The following DLG2 variants were observed in gnomAD, a reference collection of about 807,000 sequenced individuals.
DLG2 encodes discs large MAGUK scaffold protein 2.
DLG2 carries 45 observed loss-of-function variants against 132.5 expected under a neutral mutation model. The ratio of observed to expected loss-of-function variants is 0.34; its 90% confidence interval spans 0.27 to 0.44. DLG2 has a LOEUF of 0.44. DLG2 is among the 20% of genes least tolerant of loss of function. The pLI, the probability that DLG2 is intolerant of heterozygous loss-of-function variation, is 1.00. For synonymous variants in DLG2, 424 were observed against 419.6 expected, an observed-to-expected ratio of 1.01 and a Z score of -0.13; for missense variants, 1,045 against 1,196.9, an observed-to-expected ratio of 0.87 and a Z score of 1.87.
At chr11:84,922,663 C>T (rs918016813) in intron 6 of DLG2, among the ~76,000 whole-genome samples, 21 of 152,096 alleles carry the variant, frequency 1.4e-4, no homozygotes, top group African/African-American at 5.1e-4. Flanking sequence ...AGATTTAACC[C>T]CCCGGCTCTT....
intron 6 of DLG2, among the ~76,000 whole-genome samples, chr11:84,542,448 C>G (rs991803370): frequency 9.2e-5 from 14 of 152,124 alleles, no homozygotes; most frequent in African/African-American, 3.1e-4. Flanking sequence ...TTTTATCTGT[C>G]CCTCTGTAAT....
chr11:84,724,679 G>T (rs532343836), intron 6 of DLG2, among the ~76,000 whole-genome samples: 2 of 152,236 alleles, frequency 1.3e-5, no homozygotes, highest in African/African-American at 4.8e-5. Context: ...GCAAATGACA[G>T]GGCGAGATTA....
chr11:84,660,287 T>C (rs2099693134), intron 6 of DLG2, among the ~76,000 whole-genome samples: 1 of 152,244 alleles, frequency 6.6e-6, no homozygotes, highest in African/African-American at 2.4e-5. Flanking sequence ...AGACTTCTGT[T>C]AGGATAATGT....
chr11:84,206,461 T>C lies in DLG2; in HGVS notation c.574-42950A>G, dbSNP rs543140058. Among the ~76,000 whole-genome samples, 5 of 151,978 alleles carry C rather than the reference T, an allele frequency of 3.3e-5. 1 individual carries two copies. In the South Asian group the frequency reaches 1.0e-3, roughly 32 times the overall value. Reference sequence around the variant, plus strand: ...CAATGAGAAAAGCAAAAGATCAATATCCTCCAAGAACAAAGATGCAAAATT... The same window carrying C: ...CAATGAGAAAAGCAAAAGATCAATACCCTCCAAGAACAAAGATGCAAAATT... On this transcript the variant is annotated intron_variant, in intron 8 of 27. Coordinates refer to ENST00000376104, the MANE Select transcript of DLG2 (RefSeq NM_001142699.3).
chr11:84,648,849 T>A lies in DLG2; in HGVS notation c.358-114118A>T, dbSNP rs551308847. 2.6e-5 allele frequency among the ~76,000 whole-genome samples: 4 copies of A among 152,240 alleles called. No homozygotes were observed. The South Asian group carries it at 8.3e-4, about 32-fold the overall frequency. On this transcript the variant is annotated intron_variant, in intron 6 of 27. Coordinates refer to ENST00000376104, the MANE Select transcript of DLG2 (RefSeq NM_001142699.3). The stretch of plus-strand genomic sequence containing the variant: ...TCACCAGAAGCAGATGCTCCTGTCA[T>A]GCTTCTTGTACAGCCTGCAGAACCA...
chr11:85,467,985 A>G (rs1042647297), intron 3 of DLG2, among the ~76,000 whole-genome samples: 1 of 152,122 alleles, frequency 6.6e-6, no homozygotes, highest in Non-Finnish European at 1.5e-5. Context: ...CCTCAATTTC[A>G]CAGCCTGTTA....
At chr11:84,366,242 A>C (rs1395750914) in intron 7 of DLG2, among the ~76,000 whole-genome samples, 6 of 151,992 alleles carry the variant, frequency 3.9e-5, no homozygotes, top group South Asian at 4.1e-4. Context: ...GAAATAAAAT[A>C]CTTTACGGAC....
At chr11:84,535,936 G>A (rs1169397214) in intron 6 of DLG2, among the ~76,000 whole-genome samples, 1 of 140,872 alleles carries the variant, frequency 7.1e-6, no homozygotes, top group Non-Finnish European at 1.6e-5. Context: ...TATCATCAAT[G>A]GTTAATTTTT....
At chr11:84,466,547 G>A (rs1401944575) in intron 7 of DLG2, among the ~76,000 whole-genome samples, 3 of 151,258 alleles carry the variant, frequency 2.0e-5, no homozygotes, top group Non-Finnish European at 4.4e-5. Context: ...AAAGATGTTC[G>A]GCATCACTGA....
intron 15 of DLG2, among the ~76,000 whole-genome samples, chr11:83,929,658 C>A (rs563160311): frequency 6.6e-6 from 1 of 152,282 alleles, no homozygotes; most frequent in South Asian, 2.1e-4. Context: ...CAAGATCATA[C>A]TGAGGGCAAT....
At chr11:84,956,741 A>G (rs577227570) in intron 6 of DLG2, among the ~76,000 whole-genome samples, 1 of 152,274 alleles carries the variant, frequency 6.6e-6, no homozygotes, top group East Asian at 1.9e-4. Flanking sequence ...AATTTCTCCA[A>G]CCAATAGATT....
intron 4 of DLG2, among the ~76,000 whole-genome samples, chr11:85,189,679 T>C (rs970556571): frequency 2.0e-5 from 3 of 152,236 alleles, no homozygotes; most frequent in African/African-American, 7.2e-5. Context: ...CAATGATGAT[T>C]ACATATGTTA....
At chr11:84,616,996 T>C (rs924852812) in intron 6 of DLG2, among the ~76,000 whole-genome samples, 1 of 151,172 alleles carries the variant, frequency 6.6e-6, no homozygotes. Context: ...TTTTTTTTTT[T>C]AATTATACTT....
chr11:84,719,307 G>A (rs1173491239), intron 6 of DLG2, among the ~76,000 whole-genome samples: 1 of 152,172 alleles, frequency 6.6e-6, no homozygotes, highest in African/African-American at 2.4e-5. Context: ...CATTCACTTA[G>A]AGAAGTCAAA....
chr11:83,915,791 A>G (rs2076830051), intron 15 of DLG2, among the ~76,000 whole-genome samples: 1 of 152,162 alleles, frequency 6.6e-6, no homozygotes, highest in Admixed American at 6.6e-5. Context: ...GGCTTTTAGT[A>G]TATTTACAGA....
At chr11:84,355,693 T>C (rs1350040615) in intron 7 of DLG2, among the ~76,000 whole-genome samples, 1 of 152,048 alleles carries the variant, frequency 6.6e-6, no homozygotes, top group Non-Finnish European at 1.5e-5. Flanking sequence ...AGAGGTAAGA[T>C]GAAGAATCAG....
intron 15 of DLG2, among the ~76,000 whole-genome samples, chr11:83,926,277 A>T (rs562091921): frequency 7.9e-5 from 12 of 152,302 alleles, no homozygotes; most frequent in African/African-American, 2.4e-4. Context: ...ATTCTTCTAA[A>T]TGTGGATTAG....
chr11:85,585,249 T>C (rs1456117806), intron 3 of DLG2, among the ~76,000 whole-genome samples: 1 of 152,206 alleles, frequency 6.6e-6, no homozygotes, highest in African/African-American at 2.4e-5. Context: ...AACCATTTGT[T>C]GAATAGGGTG....
At chr11:85,391,906 C>T (rs184336841) in intron 3 of DLG2, among the ~76,000 whole-genome samples, 202 of 152,220 alleles carry the variant, frequency 1.3e-3, no homozygotes, top group African/African-American at 4.6e-3. Flanking sequence ...TTCACCACTT[C>T]TATTCAACAT....
Sources: allele counts gnomAD v4.1 joint callset (sites outside exome capture counted in the v4.1 genomes callset), GRCh38; gene constraint gnomAD v4.1.1; transcripts MANE v1.5; gene names NCBI Gene and HGNC (gene_info 2026-07-23, HGNC 2026-07-21).